The following KAT6A variants were observed in gnomAD, a reference collection of about 807,000 sequenced individuals.
The protein encoded by KAT6A is histone acetyltransferase KAT6A.
A neutral mutation model predicts 198.4 loss-of-function variants in KAT6A; 9 were observed. The ratio of observed to expected loss-of-function variants is 0.05; its 90% confidence interval spans 0.03 to 0.08. The LOEUF is 0.08. KAT6A is among the 10% of genes least tolerant of loss of function. The probability of loss-of-function intolerance (pLI) is 1.00; values close to 1 mark genes in which losing one functional copy is unlikely to be tolerated. For missense variants in KAT6A, 2,077 were observed against 2,509.9 expected, an observed-to-expected ratio of 0.83 and a Z score of 3.69; for synonymous variants, 890 against 883.0, an observed-to-expected ratio of 1.01 and a Z score of -0.14.
chr8:42,050,857 G>A (rs1802580706), intron 1 of KAT6A, among the ~76,000 whole-genome samples: 1 of 152,042 alleles, frequency 6.6e-6, no homozygotes, highest in Non-Finnish European at 1.5e-5. Flanking sequence ...CCAGGTCTTC[G>A]GAAAGTCAAG....
intron 2 of KAT6A, among the ~76,000 whole-genome samples, chr8:42,040,254 C>T (rs1037101155): frequency 3.9e-5 from 6 of 152,030 alleles, no homozygotes; most frequent in African/African-American, 1.4e-4. Flanking sequence ...GTTCCCTTAG[C>T]CTATTGATAC....
intron 8 of KAT6A, among the ~76,000 whole-genome samples, chr8:41,967,123 C>A (rs1823532473): frequency 6.6e-6 from 1 of 152,018 alleles, no homozygotes; most frequent in African/African-American, 2.4e-5. Flanking sequence ...CAAAGGAATC[C>A]TTCAGAATCA....
At chr8:41,988,638 T>C (rs934119617) in intron 2 of KAT6A, among the ~76,000 whole-genome samples, 1 of 151,986 alleles carries the variant, frequency 6.6e-6, no homozygotes, top group Non-Finnish European at 1.5e-5. Flanking sequence ...GGAAATGAAA[T>C]AGAAGAAATA....
chr8:42,045,359 G>A (rs542796051), intron 2 of KAT6A, among the ~76,000 whole-genome samples: 20 of 152,124 alleles, frequency 1.3e-4, no homozygotes, highest in Non-Finnish European at 1.9e-4. Flanking sequence ...TTGGGAGTTC[G>A]AGATGAGCCT....
At chr8:41,981,220 A>T (rs1824342172) in intron 4 of KAT6A, among the ~76,000 whole-genome samples, 1 of 152,222 alleles carries the variant, frequency 6.6e-6, no homozygotes, top group South Asian at 2.1e-4. Flanking sequence ...CAGAAGGCTG[A>T]GGCAGGAGAA....
chr8:41,958,896 A>T (rs1231595614), intron 8 of KAT6A, among the ~76,000 whole-genome samples: 1 of 152,212 alleles, frequency 6.6e-6, no homozygotes, highest in Non-Finnish European at 1.5e-5. Context: ...GTGGTGGCTC[A>T]CGCCTGTAAT....
In KAT6A at chr8:42,011,701, T is replaced by C. The variant is rs542611110; in HGVS notation, c.601-24138A>G. On this transcript the variant is annotated intron_variant, in intron 2 of 16. Transcript: ENST00000265713. Reference sequence around the variant, plus strand: ...GTTGTGGTGAGCTGAGATTGTGCCATTGCACTCCAGCCTGGGCAACAAGAG... The same window carrying C: ...GTTGTGGTGAGCTGAGATTGTGCCACTGCACTCCAGCCTGGGCAACAAGAG... Among the ~76,000 whole-genome samples, 682 of 151,448 alleles carry C rather than the reference T, an allele frequency of 4.5e-3. 4 individuals carry two copies. The highest frequency in any genetic ancestry group is 7.8e-3 in the Non-Finnish European group (532 of 67,836).
chr8:41,946,950 G>A (rs1162704383), intron 11 of KAT6A, among the ~76,000 whole-genome samples: 3 of 152,110 alleles, frequency 2.0e-5, no homozygotes, highest in African/African-American at 7.2e-5. Flanking sequence ...AACACAGTAC[G>A]CCAATGCCTA....
Position 41,943,774 on chromosome 8 carries a change from T to C in KAT6A, c.2202A>G (p.Leu734=). 3 of 1,613,518 alleles carry C rather than the reference T, an allele frequency of 1.9e-6. No individual in the cohort carries two copies. The highest frequency in any genetic ancestry group is 2.5e-6 in the Non-Finnish European group (3 of 1,179,582). ...GGTCACTACGGAAGTCCAGCATTCG[T>C]AGGTGGTGGAGTGTGGAAGTGATGT... ...PQDITSTLHH[L]RMLDFRSDQF... is the part of the protein sequence containing the mutation. Residue 734 remains leucine, a synonymous_variant, in exon 13 of 17, where the codon CTA becomes CTG. Transcript: ENST00000265713.
chr8:41,977,181 T>C lies in KAT6A; in HGVS notation c.1190A>G (p.Asn397Ser), dbSNP rs199725455. ...TTTCTTGTTGAACTTCAAGGAGACA[T>C]TGCTATCTCTGCAGAAGTCCAAGCC... ...IDGLDFCRDS[N>S]VSLKFNKKTK... Residue 397 changes from asparagine (N) to serine (S), a missense_variant, in exon 7 of 17, where the codon AAT (asparagine) becomes AGT (serine). Physicochemically the swap from Asn to Ser is conservative, Grantham distance 46. Coordinates refer to ENST00000265713, the MANE Select transcript of KAT6A (RefSeq NM_006766.5). The C allele has an allele frequency of 1.4e-5, 23 of 1,614,174 alleles. No homozygotes were observed. The highest frequency in any genetic ancestry group is 6.7e-5 in the African/African-American group (5 of 75,046).
At chr8:42,040,595 C>CG (rs1413102716) in intron 2 of KAT6A, among the ~76,000 whole-genome samples, 1 of 151,476 alleles carries the variant, frequency 6.6e-6, no homozygotes, top group African/African-American at 2.4e-5. Flanking sequence ...ATTAGCCAGG[C>CG]GTGGTGGCGG....
At chr8:42,026,928 G>A (rs1826845269) in intron 2 of KAT6A, among the ~76,000 whole-genome samples, 1 of 152,100 alleles carries the variant, frequency 6.6e-6, no homozygotes, top group South Asian at 2.1e-4. Flanking sequence ...TATTAATGTT[G>A]AAGTATGCTC....
rs762460326 is a variant in KAT6A at position 41,937,238 on chromosome 8, G to C, written c.3352+18C>G. 3.1e-6 allele frequency: 5 copies of C among 1,594,850 alleles called. No individual in the cohort carries two copies. The South Asian group carries it at 4.5e-5, about 14-fold the overall frequency. ...CTGAAGACAATAAACCACAGTAAGT[G>C]AGTTCTGTAAAACATACCATCAGCA... is the stretch of plus-strand genomic sequence containing the variant. On this transcript the variant is annotated intron_variant, in intron 16 of 16. Transcript: ENST00000265713.
intron 2 of KAT6A, among the ~76,000 whole-genome samples, chr8:41,989,705 C>T (rs1321601687): frequency 6.6e-6 from 1 of 152,086 alleles, no homozygotes. Flanking sequence ...CATATACATA[C>T]AAAATGGCAT....
chr8:41,991,668 T>C (rs1824953215), intron 2 of KAT6A, among the ~76,000 whole-genome samples: 2 of 152,240 alleles, frequency 1.3e-5, no homozygotes, highest in African/African-American at 2.4e-5. Flanking sequence ...ACCTTTGGAA[T>C]ATTCTTCAAG....
At position 41,969,642 on chromosome 8, in the gene KAT6A, A is replaced by G. The variant is rs1208664134; in HGVS notation, c.1482+5062T>C. Among the ~76,000 whole-genome samples the G allele has an allele frequency of 3.9e-5, 6 of 152,324 alleles. No individual in the cohort carries two copies. In the East Asian group the frequency reaches 9.6e-4, roughly 24 times the overall value. ...CTAAACCACTCTTTATGTAGTAGCC[A>G]AGAAAAACCATTTTTTAATGAAACA... On this transcript the variant is annotated intron_variant, in intron 8 of 16. Transcript: ENST00000265713.
intron 3 of KAT6A, among the ~76,000 whole-genome samples, chr8:41,982,392 T>A (rs1292075855): frequency 6.6e-6 from 1 of 152,224 alleles, no homozygotes; most frequent in East Asian, 1.9e-4. Context: ...GGATTTTATG[T>A]CTCAGTTTAT....
Position 41,933,504 on chromosome 8 carries a change from C to G in KAT6A, c.4716G>C (p.Thr1572=). 1 of 1,613,878 alleles carries G rather than the reference C, an allele frequency of 6.2e-7. No individual in the cohort carries two copies. The highest frequency in any genetic ancestry group is 8.5e-7 in the Non-Finnish European group (1 of 1,179,856). Residue 1572 remains threonine, a synonymous_variant, in exon 17 of 17, where the codon ACG becomes ACC. Transcript: ENST00000265713. This position sits in a 1 kb window ranked among gnomAD's most constrained non-coding sequence, Gnocchi z 6.2. ...NYENPSSYDS[T]MGGSICGNSS... ...TGTTCCCACAGATGCTGCCGCCCAT[C>G]GTGGAGTCGTAACTGCTTGGGTTCT...
intron 2 of KAT6A, among the ~76,000 whole-genome samples, chr8:42,027,150 G>T (rs1420242875): frequency 6.6e-6 from 1 of 152,102 alleles, no homozygotes; most frequent in Non-Finnish European, 1.5e-5. Flanking sequence ...TTATCTTTTT[G>T]ATTGTTGCTG....
Sources: gnomAD v4.1 joint callset for allele counts (sites outside exome capture counted in the v4.1 genomes callset) on GRCh38, gnomAD v4.1.1 for gene constraint, Gnocchi (gnomAD v3.1) non-coding constraint, MANE v1.5 for transcripts, NCBI Gene and HGNC (gene_info 2026-07-23, HGNC 2026-07-21) for gene names.